SEMA4B: variants seen among roughly 807,000 people sequenced by gnomAD.
The protein encoded by SEMA4B is semaphorin 4B.
Under a neutral mutation model 88.1 loss-of-function variants are expected in SEMA4B, and 55 were observed. That is an observed-to-expected ratio of 0.62 (90% CI 0.50 to 0.78). The LOEUF is 0.78. Among genes scored for constraint, SEMA4B ranks in the 30% least tolerant of loss-of-function variants. The pLI, the probability that SEMA4B is intolerant of heterozygous loss-of-function variation, is 0.00. For missense variants in SEMA4B, 1,062 were observed against 1,111.9 expected (o/e 0.96, Z 0.64); for synonymous variants, 525 against 473.6 (o/e 1.11, Z -1.41).
At chr15:90,227,699 G>T (rs1480534220) in intron 13 of SEMA4B, 57 bp downstream of exon 13, 16 of 1,560,688 alleles carry the variant, frequency 1.0e-5, no homozygotes, top group Non-Finnish European at 1.4e-5. Context: ...TGCTTGGAAG[G>T]CTCCCCCAGG....
chr15:90,226,415 A>G (rs1031033097), intron 12 of SEMA4B, among the ~76,000 whole-genome samples: 1 of 152,190 alleles, frequency 6.6e-6, no homozygotes, highest in Non-Finnish European at 1.5e-5. Flanking sequence ...ATCTCGGTTC[A>G]CTGCAACCTC....
At chr15:90,193,499 C>T (rs1239004725) in intron 1 of SEMA4B, 1 of 152,246 alleles carries the variant, frequency 6.6e-6, no homozygotes, top group Non-Finnish European at 1.5e-5. Context: ...CTGTCACTGT[C>T]CTCAAAGGAC....
chr15:90,221,853 T>G, intron 7 of SEMA4B, 88 bp downstream of exon 7: 2 of 1,287,692 alleles, frequency 1.6e-6, no homozygotes, highest in Non-Finnish European at 2.1e-6. Flanking sequence ...GCATGGCCTT[T>G]CCCATCCCGC....
chr15:90,225,329 A>G lies in SEMA4B; in HGVS notation c.1453A>G (p.Ile485Val). Reference sequence around the variant, plus strand: ...AGTGAGCGTGGGCCCCCGGGTGCACATCATTGAGGAGCTGCAGATCTTCTC... The same window carrying G: ...AGTGAGCGTGGGCCCCCGGGTGCACGTCATTGAGGAGCTGCAGATCTTCTC... Reference protein sequence around the residue: ...KAVSVGPRVHIIEELQIFSSG... With the variant: ...KAVSVGPRVHVIEELQIFSSG... Residue 485 changes from isoleucine to valine, a missense_variant, in exon 11 of 14, where the codon ATC becomes GTC. Physicochemically the swap from Ile to Val is conservative, Grantham distance 29 (BLOSUM62 3). Coordinates refer to ENST00000411539, the MANE Select transcript of SEMA4B (RefSeq NM_198925.4). 1 of 1,558,546 alleles carries G rather than the reference A, an allele frequency of 6.4e-7. No individual in the cohort carries two copies. The highest frequency in any genetic ancestry group is 8.7e-7 in the Non-Finnish European group (1 of 1,151,918).
rs779883968 is a variant in SEMA4B at position 90,201,530 on chromosome 15, C to G, written c.-49C>G. The G allele has an allele frequency of 7.4e-7, 1 of 1,356,204 alleles. No individual in the cohort carries two copies. The allele number at this position is 1,356,204 out of a possible 1,614,324, so 84.0% of individuals were successfully genotyped here. A position where few individuals can be genotyped will look rare whatever the true frequency, so the allele number is the denominator to read the frequency against. On this transcript the variant is annotated 5_prime_UTR_variant, in exon 1 of 14. Transcript: ENST00000411539. Reference sequence around the variant, plus strand: ...CGGAGCTGCCGCCCGTGAGTCCGGCCGAGCCACCTGAGCCCGAGCCGCGGG... The same window carrying G: ...CGGAGCTGCCGCCCGTGAGTCCGGCGGAGCCACCTGAGCCCGAGCCGCGGG...
intron 1 of SEMA4B, among the ~76,000 whole-genome samples, chr15:90,194,128 G>A (rs1324704379): frequency 7.2e-5 from 11 of 152,018 alleles, no homozygotes; most frequent in East Asian, 1.9e-4. Flanking sequence ...CTCAGATTAC[G>A]GGCAATGAGC....
intron 1 of SEMA4B, 129 bp downstream of exon 1, chr15:90,201,864 C>T: frequency 2.2e-6 from 2 of 915,212 alleles, no homozygotes; most frequent in Non-Finnish European, 3.0e-6. Flanking sequence ...CATTAGGACC[C>T]CTTCTTTTTT....
exon 1 of SEMA4B, chr15:90,185,060 C>T: frequency 1.0e-6 from 1 of 985,152 alleles, no homozygotes; most frequent in Non-Finnish European, 1.2e-6. Flanking sequence ...GATGACCGTG[C>T]GCTGACCCTG....
chr15:90,184,973 C>T, exon 1 of SEMA4B: 14 of 985,930 alleles, frequency 1.4e-5, no homozygotes, highest in Non-Finnish European at 1.7e-5. Flanking sequence ...CTCCGGGTCC[C>T]CAGGGGCTGC....
At chr15:90,197,125 GC>G (rs1186562006), upstream of SEMA4B, among the ~76,000 whole-genome samples, 5 of 151,980 alleles carry the variant, frequency 3.3e-5, no homozygotes, top group East Asian at 9.7e-4. Flanking sequence ...AGTGGTTCAT[GC>G]CTGTAATCCC....
chr15:90,197,367 G>A (rs908775640), upstream of SEMA4B, among the ~76,000 whole-genome samples: 1 of 152,018 alleles, frequency 6.6e-6, no homozygotes, highest in Non-Finnish European at 1.5e-5. Context: ...TCCAGCCTGG[G>A]TGACAGAGTG....
At chr15:90,224,114 T>C (rs1368581359) in intron 9 of SEMA4B, 126 bp downstream of exon 9, 12 of 857,670 alleles carry the variant, frequency 1.4e-5, no homozygotes. Context: ...TTTCTCATCT[T>C]TAATATGGGG....
At chr15:90,194,890 G>A (rs1476479619) in intron 1 of SEMA4B, among the ~76,000 whole-genome samples, 9 of 152,198 alleles carry the variant, frequency 5.9e-5, no homozygotes, top group Admixed American at 3.9e-4. Context: ...TGTAGACATC[G>A]TGACATTTCA....
chr15:90,186,386 G>C lies in SEMA4B; in HGVS notation c.-122+1305G>C, dbSNP rs7342658. Among the ~76,000 whole-genome samples the C allele has an allele frequency of 9.2e-4, 140 of 151,814 alleles. 1 individual carries two copies. Among genetic ancestry groups the C allele is most frequent in the African/African-American group, 3.2e-3 (134 of 41,414 alleles). Reference sequence around the variant, plus strand: ...TGTAATCCCAGCACTTTGGGAGGTCGAGGCAGGCGGATCACCTGAGCTCAG... The same window carrying C: ...TGTAATCCCAGCACTTTGGGAGGTCCAGGCAGGCGGATCACCTGAGCTCAG... On this transcript the variant is annotated intron_variant, in intron 1 of 14. Transcript: ENST00000332496.
chr15:90,224,859 C>T, intron 9 of SEMA4B, 109 bp from the exon 10 acceptor site: 2 of 890,712 alleles, frequency 2.2e-6, no homozygotes, highest in South Asian at 1.5e-5. Context: ...TGTGCCCTGG[C>T]TCCGGGCGGG....
At position 90,227,623 on chromosome 15, in the gene SEMA4B, C is replaced by G; in HGVS notation, c.1755C>G (p.Ser585=). ...TTTGCAGCGCGTCTTCGGTTGTGTCCCCGTCTTTTGTACCAACAGGTGAGG... is the reference window on the plus strand; with the variant it reads ...TTTGCAGCGCGTCTTCGGTTGTGTCGCCGTCTTTTGTACCAACAGGTGAGG... ...KDLCSASSVV[S]PSFVPTGEKP... The change falls in exon 13 of 14, where the codon TCC becomes TCG. Residue 585 remains serine (S), a synonymous_variant. Coordinates refer to ENST00000411539, the MANE Select transcript of SEMA4B (RefSeq NM_198925.4). 1 of 1,613,978 alleles carries G rather than the reference C, an allele frequency of 6.2e-7. No individual in the cohort carries two copies. Among genetic ancestry groups the G allele is most frequent in the Non-Finnish European group, 8.5e-7 (1 of 1,179,870 alleles).
exon 1 of SEMA4B, chr15:90,185,011 G>A (rs1318206661): frequency 1.0e-6 from 1 of 985,646 alleles, no homozygotes; most frequent in African/African-American, 1.7e-5. Context: ...AGGGGGACGA[G>A]TCAGTGGACA....
rs753208575 is a variant in SEMA4B, at chr15:90,219,851, C to T, written c.443C>T (p.Thr148Ile). 17 of 1,613,652 alleles carry T rather than the reference C, an allele frequency of 1.1e-5. No homozygotes were observed. Among genetic ancestry groups the T allele is most frequent in the Admixed American group, 8.3e-5 (5 of 60,024 alleles). The change falls in exon 4 of 14, where the codon ACC (threonine) becomes ATC (isoleucine). Residue 148 changes from threonine (T) to isoleucine (I), a missense_variant. Transcript: ENST00000411539. ...CCGCTCAGCGGCAGTCACCTGTTCACCTGTGGCACAGCAGCCTTCAGCCCC... is the reference window on the plus strand; with the variant it reads ...CCGCTCAGCGGCAGTCACCTGTTCATCTGTGGCACAGCAGCCTTCAGCCCC... Reference protein sequence around the residue: ...LLPLSGSHLFTCGTAAFSPMC... With the variant: ...LLPLSGSHLFICGTAAFSPMC...
upstream of SEMA4B, among the ~76,000 whole-genome samples, chr15:90,201,140 T>G (rs1162541801): frequency 6.6e-6 from 1 of 151,754 alleles, no homozygotes; most frequent in South Asian, 2.1e-4. Flanking sequence ...GGCGGGGAGC[T>G]GGGGGTCGGC....
Sources: allele counts gnomAD v4.1 joint callset (sites outside exome capture counted in the v4.1 genomes callset), GRCh38; gene constraint gnomAD v4.1.1; transcripts MANE v1.5; gene names NCBI Gene and HGNC (gene_info 2026-07-23, HGNC 2026-07-21).